The following AUTS2 variants were observed in gnomAD, a reference collection of about 807,000 sequenced individuals.
AUTS2 encodes autism susceptibility gene 2 protein.
AUTS2 carries 17 observed loss-of-function variants against 112.4 expected under a neutral mutation model. The ratio of observed to expected loss-of-function variants is 0.15; its 90% CI spans 0.10 to 0.23. The LOEUF (loss-of-function observed/expected upper bound fraction) is 0.23. AUTS2 is among the 10% of genes least tolerant of loss of function. The pLI is 1.00. For missense variants in AUTS2, 1,510 were observed against 1,701.6 expected, an observed-to-expected ratio of 0.89 and a Z score of 1.98; for synonymous variants, 751 against 702.7, an observed-to-expected ratio of 1.07 and a Z score of -1.09.
intron 2 of AUTS2, among the ~76,000 whole-genome samples, chr7:70,107,458 C>T (rs1331999856): frequency 6.7e-6 from 1 of 150,196 alleles, no homozygotes; most frequent in Non-Finnish European, 1.5e-5. Flanking sequence ...ATTCTCCTGC[C>T]TCAGCCTCCC....
chr7:70,297,336 T>G (rs1788987999), intron 4 of AUTS2, among the ~76,000 whole-genome samples: 1 of 152,156 alleles, frequency 6.6e-6, no homozygotes, highest in Middle Eastern at 3.2e-3. Context: ...TCCAAAGGGT[T>G]GTTCCTCTTG....
intron 1 of AUTS2, among the ~76,000 whole-genome samples, chr7:69,644,490 A>T (rs1794934947): frequency 1.3e-5 from 2 of 150,106 alleles, no homozygotes. Flanking sequence ...TTCTTCCTGC[A>T]TCTTGTCTTA....
intron 2 of AUTS2, among the ~76,000 whole-genome samples, chr7:70,026,292 A>G (rs1800521081): frequency 6.6e-6 from 1 of 152,154 alleles, no homozygotes. Flanking sequence ...ATTGTCTTCT[A>G]CCTTCCCTTG....
intron 2 of AUTS2, among the ~76,000 whole-genome samples, chr7:69,928,745 GGTCT>G (rs963073709): frequency 7.2e-5 from 11 of 152,186 alleles, no homozygotes; most frequent in African/African-American, 2.6e-4. Flanking sequence ...TGGATGCTTG[GGTCT>G]GTAGCCACAT....
intron 5 of AUTS2, among the ~76,000 whole-genome samples, chr7:70,597,770 C>G (rs1447732000): frequency 6.6e-6 from 1 of 152,172 alleles, no homozygotes; most frequent in Non-Finnish European, 1.5e-5. Context: ...TAAGAAGCTC[C>G]AGCAGGTTTG....
intron 1 of AUTS2, among the ~76,000 whole-genome samples, chr7:69,878,954 T>G (rs941672146): frequency 1.3e-5 from 2 of 152,202 alleles, no homozygotes; most frequent in African/African-American, 4.8e-5. Context: ...GAGGGCCCTT[T>G]GGGATACCAC....
chr7:69,742,196 CT>C (rs1347086347), intron 1 of AUTS2, among the ~76,000 whole-genome samples: 2 of 120,308 alleles, frequency 1.7e-5, no homozygotes, highest in African/African-American at 6.6e-5. Context: ...GTTCATATTT[CT>C]TTCTTGTGTC....
At chr7:69,971,515 A>G (rs1797849106) in intron 2 of AUTS2, among the ~76,000 whole-genome samples, 1 of 152,178 alleles carries the variant, frequency 6.6e-6, no homozygotes, top group African/African-American at 2.4e-5. Flanking sequence ...AAATATCACA[A>G]CAAGGATATT....
At chr7:69,832,839 C>G (rs768400776) in intron 1 of AUTS2, among the ~76,000 whole-genome samples, 3 of 152,152 alleles carry the variant, frequency 2.0e-5, no homozygotes, top group Non-Finnish European at 4.4e-5. Context: ...TAACTGTAAA[C>G]TGCCTCCTGT....
intron 4 of AUTS2, among the ~76,000 whole-genome samples, chr7:70,223,564 G>C (rs1392550903): frequency 6.6e-6 from 1 of 152,190 alleles, no homozygotes; most frequent in Non-Finnish European, 1.5e-5. Flanking sequence ...ATACTTGATA[G>C]TAAAAGACTA....
intron 5 of AUTS2, among the ~76,000 whole-genome samples, chr7:70,592,236 G>A (rs1802982971): frequency 6.6e-6 from 1 of 152,172 alleles, no homozygotes; most frequent in African/African-American, 2.4e-5. Context: ...TTTTTGTCGT[G>A]AGCAATACAG....
chr7:70,272,086 GA>G (rs1395147614), intron 4 of AUTS2, among the ~76,000 whole-genome samples: 4 of 152,154 alleles, frequency 2.6e-5, no homozygotes, highest in African/African-American at 9.7e-5. Context: ...TTTCTGCTCA[GA>G]AATAGCAGGC....
chr7:70,036,155 CAG>C (rs1009672914), intron 2 of AUTS2, among the ~76,000 whole-genome samples: 2 of 152,192 alleles, frequency 1.3e-5, no homozygotes, highest in Admixed American at 6.5e-5. Context: ...GCACCACAGA[CAG>C]GGGTCCAAGG....
chr7:70,087,039 C>G lies in AUTS2; in HGVS notation c.523-31093C>G, dbSNP rs370950449. ...AGTGGTGAGAGTGTACATGCGTTTTCATTTTAACTCATATTATGGGGAAGC... is the reference window on the plus strand; with the variant it reads ...AGTGGTGAGAGTGTACATGCGTTTTGATTTTAACTCATATTATGGGGAAGC... On this transcript the variant is annotated intron_variant, in intron 2 of 18. Coordinates refer to ENST00000342771, the MANE Select transcript of AUTS2 (RefSeq NM_015570.4). Among the ~76,000 whole-genome samples the G allele has an allele frequency of 3.5e-4, 53 of 151,162 alleles. 1 individual carries two copies. The South Asian group carries it at 0.011, about 31-fold the overall frequency.
At chr7:69,669,209 T>C (rs773363574) in intron 1 of AUTS2, among the ~76,000 whole-genome samples, 2 of 152,180 alleles carry the variant, frequency 1.3e-5, no homozygotes, top group Non-Finnish European at 2.9e-5. Flanking sequence ...TCAGTAATCC[T>C]AACACTAAGA....
chr7:70,417,627 A>G (rs1795041865), intron 4 of AUTS2, among the ~76,000 whole-genome samples: 1 of 152,178 alleles, frequency 6.6e-6, no homozygotes, highest in Admixed American at 6.5e-5. Flanking sequence ...AGCTTTGGAA[A>G]TAGCTGTTTC....
intron 6 of AUTS2, among the ~76,000 whole-genome samples, chr7:70,747,427 A>G (rs1788522444): frequency 6.6e-6 from 1 of 152,156 alleles, no homozygotes; most frequent in Non-Finnish European, 1.5e-5. Flanking sequence ...AGCATTTCAG[A>G]TGTGAAAGGT....
Position 70,680,755 on chromosome 7 carries a change from A to G in AUTS2, c.691-17814A>G, listed in dbSNP as rs1014880206. On this transcript the variant is annotated intron_variant, in intron 5 of 18. Coordinates refer to ENST00000342771, the MANE Select transcript of AUTS2 (RefSeq NM_015570.4). ...TATAAGAAGGAAAACATCATAAATT[A>G]AAAGAAAAGCTACCAGCCAACAACT... Among the ~76,000 whole-genome samples the G allele has an allele frequency of 2.0e-5, 3 of 152,218 alleles. No individual in the cohort carries two copies. The East Asian group carries it at 5.8e-4, about 29-fold the overall frequency.
rs116138203 is a variant in AUTS2, at chr7:70,704,512, C to A, written c.742+5892C>A. 2.5e-3 allele frequency among the ~76,000 whole-genome samples: 388 copies of A among 152,282 alleles called. 1 individual carries two copies. Among genetic ancestry groups the A allele is most frequent in the African/African-American group, 8.4e-3 (347 of 41,546 alleles). On this transcript the variant is annotated intron_variant, in intron 6 of 18. Coordinates refer to ENST00000342771, the MANE Select transcript of AUTS2 (RefSeq NM_015570.4). ...TTTTCTCTATCCTTGGCAATATTGA[C>A]CAAAAAGCTTGAATGTTCATCAGCC...
Sources: gnomAD v4.1 joint callset for allele counts (sites outside exome capture counted in the v4.1 genomes callset) on GRCh38, gnomAD v4.1.1 for gene constraint, MANE v1.5 for transcripts, NCBI Gene and HGNC (gene_info 2026-07-23, HGNC 2026-07-21) for gene names.